The following UBE2K variants were observed in gnomAD, a reference collection of about 807,000 sequenced individuals.
The protein encoded by UBE2K is ubiquitin-conjugating enzyme E2 K.
UBE2K carries 6 observed loss-of-function variants against 30.0 expected under a neutral mutation model. The observed-to-expected ratio is 0.20, with a 90% CI of 0.11 to 0.39. The LOEUF is 0.39. Among genes scored for constraint, UBE2K ranks in the 10% least tolerant of loss-of-function variants. The probability of loss-of-function intolerance (pLI) is 1.00; values close to 1 mark genes in which losing one functional copy is unlikely to be tolerated. For missense variants in UBE2K, 61 were observed against 241.6 expected, an observed-to-expected ratio of 0.25 and a Z score of 4.96; for synonymous variants, 86 against 83.7, an observed-to-expected ratio of 1.03 and a Z score of -0.15.
chr4:39,771,769 G>A (rs1015819256), intron 4 of UBE2K, among the ~76,000 whole-genome samples: 1 of 152,192 alleles, frequency 6.6e-6, no homozygotes, highest in African/African-American at 2.4e-5. Context: ...GATGCTGCTG[G>A]TTGGATGAAC....
chr4:39,703,949 T>A (rs893655621), intron 1 of UBE2K, among the ~76,000 whole-genome samples: 1 of 151,862 alleles, frequency 6.6e-6, no homozygotes, highest in African/African-American at 2.4e-5. Context: ...ACAAAAAATA[T>A]ATACTGGCTT....
chr4:39,720,640 G>T (rs1034033539), intron 1 of UBE2K, among the ~76,000 whole-genome samples: 2 of 152,078 alleles, frequency 1.3e-5, no homozygotes, highest in Non-Finnish European at 2.9e-5. Flanking sequence ...GATACTTACA[G>T]GATAAATTAG....
intron 1 of UBE2K, among the ~76,000 whole-genome samples, chr4:39,735,172 T>C (rs1720308957): frequency 6.6e-6 from 1 of 152,250 alleles, no homozygotes; most frequent in South Asian, 2.1e-4. Flanking sequence ...CAATTTTCTT[T>C]TAACATTATG....
rs142083762 is a variant in UBE2K, at chr4:39,722,943, G to A, written c.64-14477G>A. ...CCCAAGTATCTGGGATTACAGGCGCGCACCACCACACCCGGCTAATTTAGT... is the reference window on the plus strand; with the variant it reads ...CCCAAGTATCTGGGATTACAGGCGCACACCACCACACCCGGCTAATTTAGT... On this transcript the variant is annotated intron_variant, in intron 1 of 6. Transcript: ENST00000261427. 6.7e-4 allele frequency among the ~76,000 whole-genome samples: 102 copies of A among 151,478 alleles called. No homozygotes were observed. The East Asian group carries it at 0.015, about 23-fold the overall frequency.
At chr4:39,757,234 C>T (rs1224811419) in intron 4 of UBE2K, among the ~76,000 whole-genome samples, 2 of 152,002 alleles carry the variant, frequency 1.3e-5, no homozygotes, top group East Asian at 3.8e-4. Context: ...CCATGTTGGC[C>T]AGGCTGGTCT....
intron 1 of UBE2K, among the ~76,000 whole-genome samples, chr4:39,722,316 T>G (rs1719469164): frequency 6.6e-6 from 1 of 152,212 alleles, no homozygotes; most frequent in Admixed American, 6.5e-5. Context: ...GTTAAACATT[T>G]TGGTAAGAAG....
intron 3 of UBE2K, among the ~76,000 whole-genome samples, chr4:39,753,591 G>A (rs192941975): frequency 8.5e-5 from 13 of 152,264 alleles, no homozygotes; most frequent in Admixed American, 8.5e-4. Context: ...AATATACTAT[G>A]ACAAAGGAAA....
At position 39,721,433 on chromosome 4, in the gene UBE2K, G is replaced by A. The variant is rs188385207; in HGVS notation, c.64-15987G>A. ...CAGTGGCTCAATCACAGCTCACTGC[G>A]GCCTCAAACTCCTGGTCTTAAGTGA... On this transcript the variant is annotated intron_variant, in intron 1 of 6. Coordinates refer to ENST00000261427, the MANE Select transcript of UBE2K (RefSeq NM_005339.5). Among the ~76,000 whole-genome samples, 328 of 152,116 alleles carry A rather than the reference G, an allele frequency of 2.2e-3. 1 individual carries two copies. Among genetic ancestry groups the A allele is most frequent in the Non-Finnish European group, 3.4e-3 (229 of 67,994 alleles).
chr4:39,744,920 AT>A (rs1005991542), intron 2 of UBE2K, among the ~76,000 whole-genome samples: 4 of 150,272 alleles, frequency 2.7e-5, no homozygotes, highest in Non-Finnish European at 4.4e-5. Context: ...AAAAAAAAAA[AT>A]AAATTAAATA....
intron 1 of UBE2K, among the ~76,000 whole-genome samples, chr4:39,730,341 G>GT (rs980474309): frequency 5.7e-4 from 87 of 151,654 alleles, no homozygotes; most frequent in Middle Eastern, 6.8e-3. Context: ...CACGTTTTTT[G>GT]TTTTTTTTGT....
At chr4:39,749,162 T>C (rs2109364835) in intron 3 of UBE2K, among the ~76,000 whole-genome samples, 1 of 152,336 alleles carries the variant, frequency 6.6e-6, no homozygotes, top group East Asian at 1.9e-4. Flanking sequence ...ATGTTTTGTG[T>C]TTATTATTAT....
chr4:39,757,468 G>GT (rs33928368), intron 4 of UBE2K, among the ~76,000 whole-genome samples: 25 of 150,910 alleles, frequency 1.7e-4, no homozygotes, highest in Admixed American at 2.0e-4. Flanking sequence ...GTTTTGTTTT[G>GT]TTTTTTTTTT....
intron 4 of UBE2K, among the ~76,000 whole-genome samples, chr4:39,772,528 T>C (rs1012559141): frequency 3.3e-5 from 5 of 151,916 alleles, no homozygotes; most frequent in Admixed American, 6.6e-5. Context: ...TGAGCCTTGA[T>C]TGTACCACTG....
chr4:39,770,627 G>A (rs1712733114), intron 4 of UBE2K: 3 of 1,598,970 alleles, frequency 1.9e-6, no homozygotes, highest in South Asian at 1.1e-5. Context: ...CCCCTTCTGC[G>A]TTCTCCGACA....
intron 4 of UBE2K, among the ~76,000 whole-genome samples, chr4:39,767,216 C>T (rs1272336774): frequency 6.6e-6 from 1 of 150,922 alleles, no homozygotes; most frequent in African/African-American, 2.4e-5. Flanking sequence ...GTCTTTGATC[C>T]ATTTTGAGTT....
In UBE2K at chr4:39,762,859, C is replaced by G. The variant is rs1712046489; in HGVS notation, c.299+7120C>G. Reference sequence around the variant, plus strand: ...GTGTTGGCCAGGCTGGTCTCGAACTCCTGACCTCATGATCTGCCCTCGGCC... The same window carrying G: ...GTGTTGGCCAGGCTGGTCTCGAACTGCTGACCTCATGATCTGCCCTCGGCC... On this transcript the variant is annotated intron_variant, in intron 4 of 6. Coordinates refer to ENST00000261427, the MANE Select transcript of UBE2K (RefSeq NM_005339.5). Among the ~76,000 whole-genome samples, 3 of 151,826 alleles carry G rather than the reference C, an allele frequency of 2.0e-5. No individual in the cohort carries two copies. In the South Asian group the frequency reaches 6.2e-4, roughly 31 times the overall value.
intron 1 of UBE2K, among the ~76,000 whole-genome samples, chr4:39,700,708 C>G (rs554559295): frequency 1.3e-5 from 2 of 152,050 alleles, no homozygotes; most frequent in East Asian, 3.9e-4. Flanking sequence ...AGCACTTTAC[C>G]GAAGTTTATT....
chr4:39,747,812 T>C (rs1721058078), intron 3 of UBE2K, among the ~76,000 whole-genome samples: 1 of 150,806 alleles, frequency 6.6e-6, no homozygotes, highest in Admixed American at 6.6e-5. Flanking sequence ...TTTCTTTTTT[T>C]TTTTTTTGAG....
intron 1 of UBE2K, among the ~76,000 whole-genome samples, chr4:39,713,548 C>CT (rs35078805): frequency 0.83 from 124,579 of 150,648 alleles, 52,005 homozygotes; most frequent in African/African-American, 0.93. Flanking sequence ...TCTTTTTATG[C>CT]TTTTTTTTAA....
Sources: allele counts gnomAD v4.1 joint callset (sites outside exome capture counted in the v4.1 genomes callset), GRCh38; gene constraint gnomAD v4.1.1; transcripts MANE v1.5; gene names NCBI Gene and HGNC (gene_info 2026-07-23, HGNC 2026-07-21).